ARHGAP6: variants seen among roughly 807,000 people sequenced by gnomAD.
ARHGAP6 encodes the protein rho GTPase-activating protein 6.
A neutral mutation model predicts 55.7 loss-of-function variants in ARHGAP6; 16 were observed. The ratio of observed to expected loss-of-function variants is 0.29; its 90% CI spans 0.19 to 0.44. ARHGAP6 has a LOEUF of 0.44. Among genes scored for constraint, ARHGAP6 ranks in the 20% least tolerant of loss-of-function variants. The pLI, the probability that ARHGAP6 is intolerant of heterozygous loss-of-function variation, is 1.00. For missense variants in ARHGAP6, 698 were observed against 808.9 expected (o/e 0.86, Z 1.66); for synonymous variants, 382 against 360.9 (o/e 1.06, Z -0.66).
intron 1 of ARHGAP6, among the ~76,000 whole-genome samples, chrX:11,571,760 T>C (rs1043123117): frequency 1.9e-5 from 2 of 106,806 alleles, no homozygotes; most frequent in Non-Finnish European, 3.9e-5. Flanking sequence ...TAGTGCTGCA[T>C]GCCTGTGGTC....
In ARHGAP6 at chrX:11,150,464, A is replaced by G. The variant is rs1200879959; in HGVS notation, c.1907+6065T>C. The stretch of plus-strand genomic sequence containing the variant: ...CCAGAACATCAAAGCAGTTGAAAAA[A>G]TTGAAAAATTGAAAAGAAGATACAT... On this transcript the variant is annotated intron_variant, in intron 10 of 12. Coordinates refer to ENST00000337414, the MANE Select transcript of ARHGAP6 (RefSeq NM_013427.3). 2.7e-5 allele frequency among the ~76,000 whole-genome samples: 3 copies of G among 111,831 alleles called. No individual in the cohort carries two copies. The Admixed American group carries it at 2.9e-4, about 11-fold the overall frequency.
chrX:11,516,114 G>A (rs563572709), intron 1 of ARHGAP6, among the ~76,000 whole-genome samples: 7 of 112,616 alleles, frequency 6.2e-5, no homozygotes, highest in African/African-American at 2.3e-4. Flanking sequence ...CAAAAACAGC[G>A]ATTGAGCACT....
intron 1 of ARHGAP6, among the ~76,000 whole-genome samples, chrX:11,324,167 T>G (rs2048470710): frequency 8.9e-6 from 1 of 112,060 alleles, no homozygotes; most frequent in Admixed American, 9.5e-5. Context: ...AGGAAATTTT[T>G]CACAAGTGGG....
chrX:11,404,265 G>A (rs761480897), intron 1 of ARHGAP6, among the ~76,000 whole-genome samples: 12 of 110,932 alleles, frequency 1.1e-4, no homozygotes, highest in Non-Finnish European at 2.1e-4. Context: ...AAGAACCTAT[G>A]AGAGTAGCAG....
chrX:11,626,320 A>T (rs1481837685), intron 1 of ARHGAP6, among the ~76,000 whole-genome samples: 1 of 112,069 alleles, frequency 8.9e-6, no homozygotes, highest in African/African-American at 3.2e-5. Context: ...TCAATTGTCA[A>T]TTTGAAGTCT....
At chrX:11,309,468 T>C (rs1160691924) in intron 1 of ARHGAP6, among the ~76,000 whole-genome samples, 1 of 110,694 alleles carries the variant, frequency 9.0e-6, no homozygotes, top group African/African-American at 3.3e-5. Flanking sequence ...ACTGTGATCC[T>C]CTGAGTCAGA....
intron 1 of ARHGAP6, among the ~76,000 whole-genome samples, chrX:11,354,307 CTCTCTCTCTCTCTCTCTCTCTATATA>C (rs1170947543): frequency 1.6e-5 from 1 of 62,512 alleles, no homozygotes; most frequent in Non-Finnish European, 2.9e-5. Context: ...CTCTCTCTCT[CTCTCTCTCTCTCTCTCTCTCTATATA>C]TATATATATA....
At chrX:11,205,999 C>T (rs1423862051) in intron 2 of ARHGAP6, among the ~76,000 whole-genome samples, 5 of 111,782 alleles carry the variant, frequency 4.5e-5, no homozygotes, top group African/African-American at 1.3e-4. Flanking sequence ...GAATGAATGA[C>T]GTCACATGCT....
intron 1 of ARHGAP6, among the ~76,000 whole-genome samples, chrX:11,529,410 T>G (rs1338502069): frequency 9.0e-6 from 1 of 111,609 alleles, no homozygotes. Flanking sequence ...TAAAAAGGGG[T>G]GGAGGGAAGC....
chrX:11,297,779 T>C (rs1458112772), intron 1 of ARHGAP6, among the ~76,000 whole-genome samples: 1 of 112,329 alleles, frequency 8.9e-6, no homozygotes, highest in African/African-American at 3.2e-5. Context: ...GGACAGTGTT[T>C]GCACCTCTCT....
intron 1 of ARHGAP6, among the ~76,000 whole-genome samples, chrX:11,406,928 T>C (rs2049616819): frequency 9.1e-6 from 1 of 110,348 alleles, no homozygotes; most frequent in Non-Finnish European, 1.9e-5. Context: ...TACAGTGGAA[T>C]AGACCATGCA....
chrX:11,437,061 A>AAGG (rs753106347), intron 1 of ARHGAP6, among the ~76,000 whole-genome samples: 31 of 111,040 alleles, frequency 2.8e-4, no homozygotes, highest in Non-Finnish European at 5.5e-4. Context: ...AAGTAGAAGG[A>AAGG]AGGAAATAAG....
chrX:11,486,334 A>G (rs2050510803), intron 1 of ARHGAP6, among the ~76,000 whole-genome samples: 1 of 111,947 alleles, frequency 8.9e-6, no homozygotes, highest in Admixed American at 9.4e-5. Context: ...TTTTCTGCAT[A>G]TGTAGAAACT....
At chrX:11,297,865 T>C (rs1455323694) in intron 1 of ARHGAP6, among the ~76,000 whole-genome samples, 2 of 112,442 alleles carry the variant, frequency 1.8e-5, no homozygotes, top group Non-Finnish European at 3.8e-5. Context: ...TTTGTGTTTG[T>C]TTTGCTCTTA....
At chrX:11,154,618 C>G (rs1184208094) in intron 10 of ARHGAP6, among the ~76,000 whole-genome samples, 2 of 111,936 alleles carry the variant, frequency 1.8e-5, no homozygotes, top group Non-Finnish European at 3.8e-5. Flanking sequence ...CACACAGTAC[C>G]AACCATATGT....
intron 1 of ARHGAP6, among the ~76,000 whole-genome samples, chrX:11,551,980 C>A (rs181025599): frequency 5.9e-4 from 65 of 111,079 alleles, no homozygotes; most frequent in African/African-American, 2.0e-3. Flanking sequence ...GCAGCCTTAG[C>A]AAACAAATAC....
intron 1 of ARHGAP6, among the ~76,000 whole-genome samples, chrX:11,421,817 T>C (rs1389177465): frequency 8.9e-6 from 1 of 112,128 alleles, no homozygotes; most frequent in African/African-American, 3.2e-5. Flanking sequence ...ATTCCAAGTC[T>C]GGTCCTTAGA....
In ARHGAP6 at chrX:11,340,963, G is replaced by A. The variant is rs759929804; in HGVS notation, c.589-86256C>T. 5.7e-5 allele frequency among the ~76,000 whole-genome samples: 6 copies of A among 105,518 alleles called. No homozygotes were observed. The East Asian group carries it at 1.8e-3, about 32-fold the overall frequency. The allele number at this position is 105,518 out of a possible 115,157, so 91.6% of individuals were successfully genotyped here. A position where few individuals can be genotyped will look rare whatever the true frequency, so the allele number is the denominator to read the frequency against. On this transcript the variant is annotated intron_variant, in intron 1 of 12. Coordinates refer to ENST00000337414, the MANE Select transcript of ARHGAP6 (RefSeq NM_013427.3). Reference sequence around the variant, plus strand: ...ATGAATGGACAGAGTGGAGAAAAACGGTCAGATTAATACAGTTCCAACAGA... The same window carrying A: ...ATGAATGGACAGAGTGGAGAAAAACAGTCAGATTAATACAGTTCCAACAGA...
intron 2 of ARHGAP6, among the ~76,000 whole-genome samples, chrX:11,252,550 A>G (rs1040588193): frequency 1.8e-5 from 2 of 112,054 alleles, no homozygotes; most frequent in African/African-American, 3.2e-5. Flanking sequence ...ATTTTTCACA[A>G]TTGCCTAAGT....
Sources: gnomAD v4.1 joint callset for allele counts (sites outside exome capture counted in the v4.1 genomes callset) on GRCh38, gnomAD v4.1.1 for gene constraint, MANE v1.5 for transcripts, NCBI Gene and HGNC (gene_info 2026-07-23, HGNC 2026-07-21) for gene names.